RCOR3: variants seen among roughly 807,000 people sequenced by gnomAD.
RCOR3 encodes the protein REST corepressor 3.
A neutral mutation model predicts 64.1 loss-of-function variants in RCOR3; 13 were observed. The ratio of observed to expected loss-of-function variants is 0.20; its 90% CI spans 0.13 to 0.32. RCOR3 has a LOEUF of 0.32. RCOR3 is among the 10% of genes least tolerant of loss of function. The pLI is 1.00. For synonymous variants in RCOR3, 215 were observed against 239.0 expected (o/e 0.90, Z 0.93); for missense variants, 489 against 701.2 (o/e 0.70, Z 3.42).
Position 211,313,792 on chromosome 1 carries a change from G to GT in RCOR3, c.*25dup. 6.3e-7 allele frequency: 1 copy of GT among 1,586,030 alleles called. No individual in the cohort carries two copies. The highest frequency in any genetic ancestry group is 8.6e-7 in the Non-Finnish European group (1 of 1,156,118). On this transcript the variant is annotated 3_prime_UTR_variant, in exon 12 of 12. Coordinates refer to ENST00000419091, the MANE Select transcript of RCOR3 (RefSeq NM_001136223.3). The surrounding 1 kb of genome is among the most constrained non-coding windows in gnomAD (Gnocchi z 4.7). ...AAAAATTAAATTGGACACAGCTGCA[G>GT]TAACTTTTCACCCCATCATTATACC...
Position 211,313,614 on chromosome 1 carries a change from G to A in RCOR3, c.1508G>A (p.Arg503Gln). 3.1e-6 allele frequency: 5 copies of A among 1,613,950 alleles called. No homozygotes were observed. Among genetic ancestry groups the A allele is most frequent in the South Asian group, 1.1e-5 (1 of 91,070 alleles). ...CAGCAGGCTCGGTTCATCCAGCCCCGGCCAACTTTAAATCAGCCTCCACCA... is the reference window on the plus strand; with the variant it reads ...CAGCAGGCTCGGTTCATCCAGCCCCAGCCAACTTTAAATCAGCCTCCACCA... The part of the protein sequence containing the change: ...LQQQARFIQP[R>Q]PTLNQPPPPL... The change falls in exon 12 of 12, where the codon CGG (arginine) becomes CAG (glutamine). Residue 503 changes from arginine to glutamine, a missense_variant. Arg to Gln is a conservative substitution (Grantham distance 43, BLOSUM62 1). Coordinates refer to ENST00000419091, the MANE Select transcript of RCOR3 (RefSeq NM_001136223.3). The surrounding 1 kb of genome is among the most constrained non-coding windows in gnomAD (Gnocchi z 4.7).
chr1:211,271,185 T>G, intron 2 of RCOR3, 47 bp from the exon 3 acceptor site: 1 of 1,536,382 alleles, frequency 6.5e-7, no homozygotes, highest in Non-Finnish European at 9.0e-7. Flanking sequence ...TTATTTTCAG[T>G]GTAAATAAAA....
At chr1:211,302,861 G>T (rs1016599057) in intron 9 of RCOR3, 2 of 152,114 alleles carry the variant, frequency 1.3e-5, no homozygotes, top group Non-Finnish European at 2.9e-5. Context: ...CTTCTGAATA[G>T]AGTTCCTCCT....
intron 9 of RCOR3, among the ~76,000 whole-genome samples, chr1:211,297,074 T>A (rs909634220): frequency 6.6e-6 from 1 of 152,088 alleles, no homozygotes; most frequent in African/African-American, 2.4e-5. Context: ...TAATTAGTAA[T>A]CATTAAATAA....
chr1:211,274,846 C>G (rs1012090044), intron 4 of RCOR3, among the ~76,000 whole-genome samples: 1 of 151,574 alleles, frequency 6.6e-6, no homozygotes, highest in African/African-American at 2.4e-5. Flanking sequence ...GTAACAAAAT[C>G]AAGAAATTAT....
Position 211,259,702 on chromosome 1 carries a change from G to C in RCOR3, c.142G>C (p.Gly48Arg). 2 of 1,525,028 alleles carry C rather than the reference G, an allele frequency of 1.3e-6. No homozygotes were observed. The highest frequency in any genetic ancestry group is 1.8e-6 in the Non-Finnish European group (2 of 1,135,236). The allele number at this position is 1,525,028 out of a possible 1,614,324, so 94.5% of individuals were successfully genotyped here. The change falls in exon 1 of 12, where the codon GGC (glycine) becomes CGC (arginine). Residue 48 changes from glycine (G) to arginine (R), a missense_variant. This residue lies in a region of RCOR3 where 87 missense variants were observed against 84.3 expected (regional missense o/e 1.03). Coordinates refer to ENST00000419091, the MANE Select transcript of RCOR3 (RefSeq NM_001136223.3). Reference sequence around the variant, plus strand: ...GCTGCACTACTCAGAGCCCGAGAGCGGCTGCAGCAGCGACGACGAGCACGG... The same window carrying C: ...GCTGCACTACTCAGAGCCCGAGAGCCGCTGCAGCAGCGACGACGAGCACGG... The part of the protein sequence containing the change: ...GGLHYSEPES[G>R]CSSDDEHDVG...
intron 7 of RCOR3, among the ~76,000 whole-genome samples, chr1:211,288,763 A>G (rs978105274): frequency 1.3e-5 from 2 of 151,900 alleles, no homozygotes; most frequent in African/African-American, 2.4e-5. Context: ...CTATTGTCAT[A>G]ATTTCTAAAT....
chr1:211,260,298 G>T, intron 2 of RCOR3, 134 bp downstream of exon 2: 1 of 735,828 alleles, frequency 1.4e-6, no homozygotes, highest in Non-Finnish European at 2.3e-6. Context: ...TGGCGGGGAG[G>T]CTGTCAGGCT....
intron 7 of RCOR3, among the ~76,000 whole-genome samples, chr1:211,284,360 G>A (rs902437814): frequency 2.6e-5 from 4 of 152,184 alleles, no homozygotes; most frequent in South Asian, 2.1e-4. Context: ...GATTACAGGC[G>A]TGAGCCACTG....
intron 10 of RCOR3, among the ~76,000 whole-genome samples, chr1:211,305,885 A>G (rs1390501096): frequency 1.3e-5 from 2 of 152,160 alleles, no homozygotes; most frequent in Admixed American, 6.5e-5. Flanking sequence ...TATATAACCA[A>G]ACATTTCCTC....
intron 7 of RCOR3, among the ~76,000 whole-genome samples, chr1:211,286,280 GTGTT>G (rs1046321429): frequency 6.0e-5 from 9 of 148,868 alleles, no homozygotes; most frequent in Admixed American, 4.0e-4. Flanking sequence ...CTTTCCCTCT[GTGTT>G]TGTTTGGGAT....
intron 9 of RCOR3, among the ~76,000 whole-genome samples, chr1:211,297,475 T>G (rs1352431911): frequency 6.6e-6 from 1 of 152,164 alleles, no homozygotes; most frequent in Non-Finnish European, 1.5e-5. Context: ...ATATGTCATG[T>G]TGCCTCTTAC....
intron 2 of RCOR3, among the ~76,000 whole-genome samples, chr1:211,263,994 T>C (rs1033659881): frequency 3.9e-5 from 6 of 152,124 alleles, no homozygotes; most frequent in South Asian, 2.1e-4. Flanking sequence ...ATTTTGTTTT[T>C]TGTATTTTTG....
At chr1:211,309,527 T>G (rs1200732553) in intron 10 of RCOR3, among the ~76,000 whole-genome samples, 4 of 152,214 alleles carry the variant, frequency 2.6e-5, no homozygotes, top group Admixed American at 2.6e-4. Flanking sequence ...TTTAGAAATT[T>G]GACTGAAAAC....
rs138442518 is a variant in RCOR3 at position 211,286,820 on chromosome 1, A to G, written c.721-2358A>G. Among the ~76,000 whole-genome samples the G allele has an allele frequency of 3.3e-3, 510 of 152,318 alleles. 5 individuals are homozygous for G. Among genetic ancestry groups the G allele is most frequent in the African/African-American group, 0.012 (479 of 41,568 alleles). On this transcript the variant is annotated intron_variant, in intron 7 of 11. Coordinates refer to ENST00000419091, the MANE Select transcript of RCOR3 (RefSeq NM_001136223.3). ...TTTTTAAATCTCACAAATCAAACAT[A>G]TAGTCCGTTTTGTTTAGATTTACCC...
At chr1:211,263,509 C>T (rs1418792627) in intron 2 of RCOR3, among the ~76,000 whole-genome samples, 1 of 152,126 alleles carries the variant, frequency 6.6e-6, no homozygotes, top group African/African-American at 2.4e-5. Flanking sequence ...TACTCATTTT[C>T]TGCTTAATAG....
At chr1:211,295,550 A>C in intron 8 of RCOR3, 126 bp from the exon 9 acceptor site, 1 of 718,066 alleles carries the variant, frequency 1.4e-6, no homozygotes, top group Non-Finnish European at 2.4e-6. Context: ...AAGTGTGATT[A>C]GTATGACTAT....
At chr1:211,274,365 A>G (rs1696660113) in intron 4 of RCOR3, 103 bp downstream of exon 4, 1 of 729,900 alleles carries the variant, frequency 1.4e-6, no homozygotes, top group Admixed American at 2.6e-5. Flanking sequence ...AAGCTTGACC[A>G]GCTATTTTAT....
At chr1:211,289,143 C>A in intron 7 of RCOR3, 35 bp from the exon 8 acceptor site, 1 of 1,524,112 alleles carries the variant, frequency 6.6e-7, no homozygotes, top group Non-Finnish European at 9.1e-7. Flanking sequence ...TTTGTGAAAA[C>A]CAAGTGACCT....
Sources: allele counts gnomAD v4.1 joint callset (sites outside exome capture counted in the v4.1 genomes callset), GRCh38; gene constraint gnomAD v4.1.1; regional missense constraint gnomAD v4.1.1; non-coding constraint Gnocchi (gnomAD v3.1); transcripts MANE v1.5; gene names NCBI Gene and HGNC (gene_info 2026-07-23, HGNC 2026-07-21).